SAMSN1: variants seen among roughly 807,000 people sequenced by gnomAD.
SAMSN1 encodes the protein SAM domain-containing protein SAMSN-1.
In SAMSN1, 31 loss-of-function variants were observed where a neutral mutation model predicts 42.0. The ratio of observed to expected loss-of-function variants is 0.74; its 90% CI spans 0.55 to 1.00. SAMSN1 has a LOEUF of 1.00. Among genes scored for constraint, SAMSN1 ranks in the 50% least tolerant of loss-of-function variants. The pLI is 0.00. For synonymous variants in SAMSN1, 178 were observed against 151.9 expected, an observed-to-expected ratio of 1.17 and a Z score of -1.26; for missense variants, 464 against 439.4, an observed-to-expected ratio of 1.06 and a Z score of -0.50.
At chr21:14,577,276 A>ATG in intron 2 of SAMSN1, among the ~76,000 whole-genome samples, 1 of 50,308 alleles carries the variant, frequency 2.0e-5, no homozygotes, top group Non-Finnish European at 3.5e-5. Context: ...ATATATATAT[A>ATG]TATATATATT....
At chr21:14,618,146 G>T (rs1161899995) in intron 2 of SAMSN1, among the ~76,000 whole-genome samples, 1 of 152,198 alleles carries the variant, frequency 6.6e-6, no homozygotes, top group Non-Finnish European at 1.5e-5. Flanking sequence ...TGGAATTGGG[G>T]TCATCCAATT....
intron 1 of SAMSN1, among the ~76,000 whole-genome samples, chr21:14,537,741 C>T (rs112431590): frequency 1.3e-5 from 2 of 152,010 alleles, no homozygotes; most frequent in African/African-American, 4.8e-5. Flanking sequence ...TTCAAATATT[C>T]GGCCTAGGCT....
intron 2 of SAMSN1, among the ~76,000 whole-genome samples, chr21:14,642,111 G>C (rs1422911346): frequency 6.6e-6 from 1 of 152,204 alleles, no homozygotes; most frequent in East Asian, 1.9e-4. Context: ...TTCACATTGA[G>C]TAGGCTGAGG....
At chr21:14,522,335 T>C (rs1387999557) in intron 1 of SAMSN1, among the ~76,000 whole-genome samples, 1 of 152,234 alleles carries the variant, frequency 6.6e-6, no homozygotes, top group African/African-American at 2.4e-5. Context: ...TTTTATGCAT[T>C]GTTTGGGATG....
chr21:14,507,726 G>T (rs1389574026), intron 5 of SAMSN1, among the ~76,000 whole-genome samples: 1 of 151,974 alleles, frequency 6.6e-6, no homozygotes, highest in African/African-American at 2.4e-5. Flanking sequence ...AACCAAAAAA[G>T]AGCTTGCATA....
chr21:14,611,762 G>A (rs1343269484), intron 4 of SAMSN1, among the ~76,000 whole-genome samples: 1 of 152,128 alleles, frequency 6.6e-6, no homozygotes, highest in Admixed American at 6.5e-5. Context: ...TGATTAAAAC[G>A]CAGATATCCT....
intron 1 of SAMSN1, among the ~76,000 whole-genome samples, chr21:14,544,081 G>T (rs912738148): frequency 6.6e-6 from 1 of 152,148 alleles, no homozygotes; most frequent in South Asian, 2.1e-4. Flanking sequence ...AAAGGGTCTT[G>T]CTCTGTTGCC....
At chr21:14,544,121 C>A (rs1980229254) in intron 1 of SAMSN1, among the ~76,000 whole-genome samples, 1 of 152,212 alleles carries the variant, frequency 6.6e-6, no homozygotes, top group African/African-American at 2.4e-5. Context: ...ACGAACACGG[C>A]CCACTGTAGC....
chr21:14,600,770 T>C (rs1377704542), intron 6 of SAMSN1, among the ~76,000 whole-genome samples: 3 of 152,194 alleles, frequency 2.0e-5, no homozygotes, highest in Non-Finnish European at 4.4e-5. Flanking sequence ...CACTTAGATA[T>C]TATATCTGAG....
Position 14,486,132 on chromosome 21 carries a change from G to A in SAMSN1, c.920-18C>T, listed in dbSNP as rs1382411584. 3 of 1,585,642 alleles carry A rather than the reference G, an allele frequency of 1.9e-6. No homozygotes were observed. Among genetic ancestry groups the A allele is most frequent in the Non-Finnish European group, 1.7e-6 (2 of 1,155,978 alleles). On this transcript the variant is annotated intron_variant, in intron 7 of 7. Coordinates refer to ENST00000400566, the MANE Select transcript of SAMSN1 (RefSeq NM_022136.5). ...TTGAATAACTGTAAATGGAAAAAAA[G>A]GGCAGGAGTTAGGTAAAGCAACACA...
intron 2 of SAMSN1, among the ~76,000 whole-genome samples, chr21:14,580,249 T>TGGGAGTTC (rs1555839129): frequency 6.6e-6 from 1 of 152,218 alleles, no homozygotes; most frequent in East Asian, 1.9e-4. Context: ...TCATTCAGTT[T>TGGGAGTTC]GGCAGTTCGG....
In SAMSN1 at chr21:14,504,918, C is replaced by T. The variant is rs140496165; in HGVS notation, c.562-4183G>A. Reference sequence around the variant, plus strand: ...CAGATTTCTCAGCAGAAACCCAACACGCTAGAAGGGATTGGGACCCTGTCT... The same window carrying T: ...CAGATTTCTCAGCAGAAACCCAACATGCTAGAAGGGATTGGGACCCTGTCT... On this transcript the variant is annotated intron_variant, in intron 5 of 7. Transcript: ENST00000400566. Among the ~76,000 whole-genome samples, 517 of 152,300 alleles carry T rather than the reference C, an allele frequency of 3.4e-3. 4 individuals are homozygous for T. Among genetic ancestry groups the T allele is most frequent in the African/African-American group, 0.01 (432 of 41,566 alleles).
At chr21:14,491,569 C>A (rs77002725) in intron 7 of SAMSN1, among the ~76,000 whole-genome samples, 4 of 152,138 alleles carry the variant, frequency 2.6e-5, no homozygotes, top group Non-Finnish European at 4.4e-5. Flanking sequence ...ATCTATCTAA[C>A]CACTTCACCC....
intron 1 of SAMSN1, among the ~76,000 whole-genome samples, chr21:14,522,082 A>T (rs1381603297): frequency 1.3e-5 from 2 of 152,204 alleles, no homozygotes. Context: ...TTAACATAGA[A>T]TTACAATGAG....
At chr21:14,637,823 C>T (rs943231420) in intron 2 of SAMSN1, among the ~76,000 whole-genome samples, 3 of 152,104 alleles carry the variant, frequency 2.0e-5, no homozygotes, top group African/African-American at 4.8e-5. Context: ...TGCCTGGGGC[C>T]GGCTTAACAC....
intron 1 of SAMSN1, among the ~76,000 whole-genome samples, chr21:14,643,323 A>G (rs1384275483): frequency 6.6e-6 from 1 of 152,240 alleles, no homozygotes; most frequent in Admixed American, 6.5e-5. Flanking sequence ...TTACACAGCC[A>G]GGAATTACTA....
At chr21:14,510,490 A>C in intron 4 of SAMSN1, 29 bp from the exon 5 acceptor site, 1 of 1,613,128 alleles carries the variant, frequency 6.2e-7, no homozygotes, top group Non-Finnish European at 8.5e-7. Flanking sequence ...CACAGTTGTC[A>C]TGGAAGACTT....
chr21:14,587,101 T>C (rs1425064700), upstream of SAMSN1, among the ~76,000 whole-genome samples: 3 of 152,210 alleles, frequency 2.0e-5, no homozygotes, highest in African/African-American at 7.2e-5. Flanking sequence ...CTTCTCTCTC[T>C]ACTGAATTTT....
chr21:14,491,492 A>G (rs1182786436), intron 7 of SAMSN1, among the ~76,000 whole-genome samples: 1 of 152,224 alleles, frequency 6.6e-6, no homozygotes, highest in African/African-American at 2.4e-5. Flanking sequence ...TATCATTCTT[A>G]TCATCAAGGA....
Sources: allele counts gnomAD v4.1 joint callset (sites outside exome capture counted in the v4.1 genomes callset), GRCh38; gene constraint gnomAD v4.1.1; transcripts MANE v1.5; gene names NCBI Gene and HGNC (gene_info 2026-07-23, HGNC 2026-07-21).